Variants in ESPL1 observed in about 807,000 individuals in gnomAD.
The protein encoded by ESPL1 is separin.
Under a neutral mutation model 217.2 loss-of-function variants are expected in ESPL1, and 50 were observed. The observed-to-expected ratio is 0.23, with a 90% CI of 0.18 to 0.29. The LOEUF (loss-of-function observed/expected upper bound fraction) is 0.29, where lower values mean the gene tolerates loss of function less well. Ranked by LOEUF, ESPL1 falls within the 10% of genes least tolerant of loss-of-function variation. The pLI is 1.00. For synonymous variants in ESPL1, 994 were observed against 1,081.3 expected (o/e 0.92, Z 1.58); for missense variants, 1,834 against 2,603.0 (o/e 0.70, Z 6.43).
chr12:53,291,143 A>G lies in ESPL1; in HGVS notation c.5520+147A>G, dbSNP rs955437405. On this transcript the variant is annotated intron_variant, in intron 25 of 30. Coordinates refer to ENST00000257934, the MANE Select transcript of ESPL1 (RefSeq NM_012291.5). ...CATGGTGAAACCCTGTCTCTACGAA[A>G]ATACAAAAATTAGCTGGGCATGGTG... 6.6e-6 allele frequency: 4 copies of G among 607,660 alleles called. No individual in the cohort carries two copies. In the African/African-American group the frequency reaches 7.6e-5, roughly 12 times the overall value. 37.6% of individuals were successfully genotyped at this position (607,660 alleles called of 1,614,324 possible).
At chr12:53,284,272 G>C in intron 17 of ESPL1, 105 bp downstream of exon 17, 4 of 764,598 alleles carry the variant, frequency 5.2e-6, no homozygotes, top group Non-Finnish European at 9.2e-6. Context: ...TTTTGAGACA[G>C]AGTCTCACTT....
chr12:53,278,296 G>A (rs1358122745), intron 11 of ESPL1, among the ~76,000 whole-genome samples: 2 of 151,874 alleles, frequency 1.3e-5, no homozygotes, highest in Non-Finnish European at 1.5e-5. Flanking sequence ...GCAACACGGC[G>A]AAACCCCGTC....
Position 53,279,568 on chromosome 12 carries a change from TA to T in ESPL1, c.2365-160del, listed in dbSNP as rs1470328335. ...TTGATGATGAATGGCATCTAGGCTT[TA>T]AAACAGTAGGGGTGGGGTGATGATT... is the stretch of plus-strand genomic sequence containing the variant. On this transcript the variant is annotated intron_variant, in intron 11 of 30. Transcript: ENST00000257934. 7 of 791,402 alleles carry T rather than the reference TA, an allele frequency of 8.8e-6. No homozygotes were observed. In the East Asian group the frequency reaches 1.8e-4, roughly 20 times the overall value. 49.0% of individuals were successfully genotyped at this position (791,402 alleles called of 1,614,324 possible).
At position 53,292,498 on chromosome 12, in the gene ESPL1, A is replaced by G. The variant is rs1944080350; in HGVS notation, c.5913-76A>G. 7.1e-7 allele frequency: 1 copy of G among 1,410,544 alleles called. No homozygotes were observed. Among genetic ancestry groups the G allele is most frequent in the Non-Finnish European group, 1.0e-6 (1 of 995,904 alleles). 87.4% of individuals were successfully genotyped at this position (1,410,544 alleles called of 1,614,324 possible). The stretch of plus-strand genomic sequence containing the variant: ...GCTGTTGCAGCCCACCTTCTATCTA[A>G]TGATCCCTCTGCTGTCTTTGCCACC... On this transcript the variant is annotated intron_variant, in intron 28 of 30. Coordinates refer to ENST00000257934, the MANE Select transcript of ESPL1 (RefSeq NM_012291.5). This position sits in a 1 kb window ranked among gnomAD's most constrained non-coding sequence, Gnocchi z 4.5.
rs573657611 is a variant in ESPL1, at chr12:53,286,288, G to T, written c.3552G>T (p.Leu1184=). Residue 1184 remains leucine (L), a synonymous_variant, in exon 18 of 31, where the codon CTG becomes CTT. Coordinates refer to ENST00000257934, the MANE Select transcript of ESPL1 (RefSeq NM_012291.5). This position sits in a 1 kb window ranked among gnomAD's most constrained non-coding sequence, Gnocchi z 5.3. The part of the protein sequence containing the change: ...MGHQAQGLDL[L]QVVLKGCPEA... ...ACCAAGCCCAGGGTCTGGATCTGCTGCAGGTCGTGCTGAAGGGCTGTCCTG... is the reference window on the plus strand; with the variant it reads ...ACCAAGCCCAGGGTCTGGATCTGCTTCAGGTCGTGCTGAAGGGCTGTCCTG... 6.2e-7 allele frequency: 1 copy of T among 1,614,224 alleles called. No homozygotes were observed. Among genetic ancestry groups the T allele is most frequent in the African/African-American group, 1.3e-5 (1 of 75,076 alleles).
intron 16 of ESPL1, 69 bp downstream of exon 16, chr12:53,283,607 C>T: frequency 7.0e-7 from 1 of 1,424,974 alleles, no homozygotes; most frequent in South Asian, 1.3e-5. Context: ...ACATGGATTC[C>T]AAACTGTTCC....
chr12:53,276,686 G>A lies in ESPL1; in HGVS notation c.1767G>A (p.Leu589=). 6.2e-7 allele frequency: 1 copy of A among 1,613,310 alleles called. No individual in the cohort carries two copies. Among genetic ancestry groups the A allele is most frequent in the East Asian group, 2.2e-5 (1 of 44,890 alleles). ...TGGCCCTCCTGCTGAGGGAGGAGCTGCAGGCCTACAAGGCGGTGCGGGCCG... is the reference window on the plus strand; with the variant it reads ...TGGCCCTCCTGCTGAGGGAGGAGCTACAGGCCTACAAGGCGGTGCGGGCCG... ...ETLALLLREE[L]QAYKAVRADT... The change falls in exon 8 of 31, where the codon CTG becomes CTA. Residue 589 remains leucine, a synonymous_variant. Coordinates refer to ENST00000257934, the MANE Select transcript of ESPL1 (RefSeq NM_012291.5).
chr12:53,270,823 A>T (rs1430163890), intron 5 of ESPL1, 25 bp downstream of exon 5: 2 of 1,613,312 alleles, frequency 1.2e-6, no homozygotes, highest in Non-Finnish European at 1.7e-6. Context: ...TCCCAGGCAC[A>T]GAGTTTGTGG....
chr12:53,286,553 G>C lies in ESPL1; in HGVS notation c.3817G>C (p.Ala1273Pro). Residue 1273 changes from alanine to proline, a missense_variant, in exon 18 of 31, where the codon GCC becomes CCC. By Grantham distance (27) the Ala-to-Pro change is conservative (BLOSUM62 -1). Coordinates refer to ENST00000257934, the MANE Select transcript of ESPL1 (RefSeq NM_012291.5). The surrounding 1 kb of genome is among the most constrained non-coding windows in gnomAD (Gnocchi z 5.3). ...GCGAGCCAGCCTGCTCTTGATTTGG[G>C]CCCTCACAAAACTAGGTGGCCTCAG... ...PWRASLLLIW[A>P]LTKLGGLSCC... 6.2e-7 allele frequency: 1 copy of C among 1,614,102 alleles called. No homozygotes were observed. Among genetic ancestry groups the C allele is most frequent in the Non-Finnish European group, 8.5e-7 (1 of 1,180,034 alleles).
At chr12:53,284,585 T>A (rs907220111) in intron 17 of ESPL1, among the ~76,000 whole-genome samples, 14 of 152,052 alleles carry the variant, frequency 9.2e-5, no homozygotes, top group African/African-American at 3.4e-4. Flanking sequence ...GATACTGACT[T>A]CTGGTCCCAG....
At position 53,269,810 on chromosome 12, in the gene ESPL1, A is replaced by C; in HGVS notation, c.868A>C (p.Ser290Arg). 1.2e-6 allele frequency: 2 copies of C among 1,614,204 alleles called. No homozygotes were observed. The highest frequency in any genetic ancestry group is 1.7e-6 in the Non-Finnish European group (2 of 1,180,032). Residue 290 changes from serine to arginine, a missense_variant, in exon 3 of 31, where the codon AGC becomes CGC. Ser to Arg is a moderately radical substitution (Grantham distance 110). Transcript: ENST00000257934. The surrounding 1 kb of genome is among the most constrained non-coding windows in gnomAD (Gnocchi z 6.7). ...CCTAAGGAACACCAATCTAGCCCCT[A>C]GCCTTCAGCTATGTCAGCTGGGGGT... ...SYLRNTNLAP[S>R]LQLCQLGVKL...
At position 53,273,484 on chromosome 12, in the gene ESPL1, C is replaced by T. The variant is rs552547747; in HGVS notation, c.1506+627C>T. ...ATCAGAATCTCTAGTGTTTGCCGGG[C>T]GTGATGGCTCACGCCTATAATTCCA... On this transcript the variant is annotated intron_variant, in intron 6 of 30. Coordinates refer to ENST00000257934, the MANE Select transcript of ESPL1 (RefSeq NM_012291.5). Among the ~76,000 whole-genome samples, 5 of 151,064 alleles carry T rather than the reference C, an allele frequency of 3.3e-5. No individual in the cohort carries two copies. In the South Asian group the frequency reaches 6.3e-4, roughly 19 times the overall value.
Position 53,286,951 on chromosome 12 carries a change from G to A in ESPL1, c.4176+39G>A. ...GTTGCTAGGTGGTGGTGATGGTGTT[G>A]GATGGGGTTAGTCCTGGAGGAGAGT... On this transcript the variant is annotated intron_variant, in intron 18 of 30. Coordinates refer to ENST00000257934, the MANE Select transcript of ESPL1 (RefSeq NM_012291.5). The surrounding 1 kb of genome is among the most constrained non-coding windows in gnomAD (Gnocchi z 5.3). 1.9e-6 allele frequency: 3 copies of A among 1,549,802 alleles called. No individual in the cohort carries two copies. Among genetic ancestry groups the A allele is most frequent in the Non-Finnish European group, 2.6e-6 (3 of 1,149,144 alleles).
intron 25 of ESPL1, among the ~76,000 whole-genome samples, 173 bp downstream of exon 25, chr12:53,291,169 G>A (rs1014715810): frequency 6.6e-6 from 1 of 152,146 alleles, no homozygotes; most frequent in Non-Finnish European, 1.5e-5. Flanking sequence ...GGGCATGGTG[G>A]CAGGCACCTG....
At chr12:53,283,106 CT>C in intron 14 of ESPL1, 22 bp from the exon 15 acceptor site, 1 of 1,613,786 alleles carries the variant, frequency 6.2e-7, no homozygotes, top group East Asian at 2.2e-5. Flanking sequence ...CATCTTCTCC[CT>C]TTTTCACCCC....
rs1173572160 is a variant in ESPL1, at chr12:53,292,396, CA to C, written c.5912+4del. 6.2e-7 allele frequency: 1 copy of C among 1,603,870 alleles called. No individual in the cohort carries two copies. The highest frequency in any genetic ancestry group is 1.3e-5 in the African/African-American group (1 of 74,712). ...CAATTTCGAGCCAATTTCAGCAGGT[CA>C]GGGGCGCGAAGACAAGAAGACGTGT... On this transcript the variant is annotated splice_donor_region_variant and intron_variant, in intron 28 of 30. Transcript: ENST00000257934. The surrounding 1 kb of genome is among the most constrained non-coding windows in gnomAD (Gnocchi z 4.5).
chr12:53,282,525 T>C lies in ESPL1; in HGVS notation c.2791+90T>C. The C allele has an allele frequency of 8.0e-7, 1 of 1,243,856 alleles. No individual in the cohort carries two copies. Among genetic ancestry groups the C allele is most frequent in the Non-Finnish European group, 1.1e-6 (1 of 875,292 alleles). The allele number at this position is 1,243,856 out of a possible 1,614,324, so 77.1% of individuals were successfully genotyped here. A position where few individuals can be genotyped will look rare whatever the true frequency, so the allele number is the denominator to read the frequency against. On this transcript the variant is annotated intron_variant, in intron 14 of 30. Coordinates refer to ENST00000257934, the MANE Select transcript of ESPL1 (RefSeq NM_012291.5). This position sits in a 1 kb window ranked among gnomAD's most constrained non-coding sequence, Gnocchi z 4.0. Reference sequence around the variant, plus strand: ...CTCAAACCTCATCCCCTCTGCTGGCTAACTATGTGGCCCAGCCTACCTAGA... The same window carrying C: ...CTCAAACCTCATCCCCTCTGCTGGCCAACTATGTGGCCCAGCCTACCTAGA...
At position 53,292,094 on chromosome 12, in the gene ESPL1, G is replaced by T. The variant is rs1565766947; in HGVS notation, c.5796+6G>T. On this transcript the variant is annotated splice_donor_region_variant and intron_variant, in intron 27 of 30. Transcript: ENST00000257934. The surrounding 1 kb of genome is among the most constrained non-coding windows in gnomAD (Gnocchi z 4.5). ...GCTACTCCATCATCAAAGAGGTGGG[G>T]TTCAGGGCGTAGTGTCTGGGGATGA... The T allele has an allele frequency of 6.2e-7, 1 of 1,608,034 alleles. No individual in the cohort carries two copies.
Position 53,269,378 on chromosome 12 carries a change from G to T in ESPL1, c.436G>T (p.Gly146Cys), listed in dbSNP as rs1407632502. The T allele has an allele frequency of 6.2e-7, 1 of 1,613,876 alleles. No individual in the cohort carries two copies. Among genetic ancestry groups the T allele is most frequent in the African/African-American group, 1.3e-5 (1 of 74,938 alleles). ...APQDYEAVAR[G>C]SFSLLWKGAE... Reference sequence around the variant, plus strand: ...CCAGGACTATGAGGCCGTGGCTCGGGGCAGCTTTTCTCTGCTTTGGAAGGG... The same window carrying T: ...CCAGGACTATGAGGCCGTGGCTCGGTGCAGCTTTTCTCTGCTTTGGAAGGG... Residue 146 changes from glycine (G) to cysteine (C), a missense_variant, in exon 3 of 31, where the codon GGC (glycine) becomes TGC (cysteine). By Grantham distance (159) the Gly-to-Cys change is radical. Transcript: ENST00000257934. The surrounding 1 kb of genome is among the most constrained non-coding windows in gnomAD (Gnocchi z 6.7).
Sources: gnomAD v4.1 joint callset for allele counts (sites outside exome capture counted in the v4.1 genomes callset) on GRCh38, gnomAD v4.1.1 for gene constraint, Gnocchi (gnomAD v3.1) non-coding constraint, MANE v1.5 for transcripts, NCBI Gene and HGNC (gene_info 2026-07-23, HGNC 2026-07-21) for gene names.